Variants in P2RY2 observed in about 807,000 individuals in gnomAD.
The protein encoded by P2RY2 is purinergic receptor P2Y2.
For synonymous variants in P2RY2, 241 were observed against 231.9 expected, an observed-to-expected ratio of 1.04 and a Z score of -0.35; for missense variants, 567 against 515.7, an observed-to-expected ratio of 1.10 and a Z score of -0.96.
chr11:73,230,212 A>G (rs934051251), intron 2 of P2RY2, among the ~76,000 whole-genome samples: 10 of 152,002 alleles, frequency 6.6e-5, no homozygotes, highest in Non-Finnish European at 2.9e-5. Flanking sequence ...GCCTGTGCCC[A>G]TCCCCATACT....
chr11:73,229,593 A>C lies in P2RY2; in HGVS notation c.-5+1418A>C, dbSNP rs1591633539. On this transcript the variant is annotated intron_variant, in intron 2 of 2. Transcript: ENST00000393597. ...GTAGAATGAGAGGGCGGGAGGGGTG[A>C]GTCTGGCCCAGGGCCACGGCGATGG... is the stretch of plus-strand genomic sequence containing the variant. Among the ~76,000 whole-genome samples, 4 of 151,930 alleles carry C rather than the reference A, an allele frequency of 2.6e-5. No individual in the cohort carries two copies. The East Asian group carries it at 7.8e-4, about 29-fold the overall frequency.
rs1862673077 is a variant in P2RY2, at chr11:73,237,121, C to T, written c.*1828C>T. ...GCCCTCATGTGACAGAGACCCATCA[C>T]AGACCATGACCCAAATGATTACTCT... On this transcript the variant is annotated 3_prime_UTR_variant, in exon 3 of 3. Coordinates refer to ENST00000393597, the MANE Select transcript of P2RY2 (RefSeq NM_002564.4). 1 of 985,276 alleles carries T rather than the reference C, an allele frequency of 1.0e-6. No individual in the cohort carries two copies. Among genetic ancestry groups the T allele is most frequent in the South Asian group, 4.7e-5 (1 of 21,296 alleles). The allele number at this position is 985,276 out of a possible 1,614,324, so 61.0% of individuals were successfully genotyped here.
chr11:73,235,157 G>T lies in P2RY2; in HGVS notation c.998G>T (p.Arg333Leu), dbSNP rs201458131. 6.3e-7 allele frequency: 1 copy of T among 1,591,768 alleles called. No individual in the cohort carries two copies. Among genetic ancestry groups the T allele is most frequent in the Non-Finnish European group, 8.5e-7 (1 of 1,173,688 alleles). The change falls in exon 3 of 3, where the codon CGC becomes CTC. Residue 333 changes from arginine to leucine, a missense_variant. Transcript: ENST00000393597. ...PTGPSPATPARRRLGLRRSDR... is the reference protein window; with the variant it reads ...PTGPSPATPALRRLGLRRSDR... ...GGCCCCAGCCCTGCCACCCCGGCTC[G>T]CCGCAGGCTGGGCCTGCGCAGATCC...
chr11:73,236,966 C>T lies in P2RY2; in HGVS notation c.*1673C>T. 6.1e-6 allele frequency: 6 copies of T among 985,320 alleles called. No individual in the cohort carries two copies. Among genetic ancestry groups the T allele is most frequent in the Non-Finnish European group, 7.2e-6 (6 of 829,880 alleles). 61.0% of individuals were successfully genotyped at this position (985,320 alleles called of 1,614,324 possible). On this transcript the variant is annotated 3_prime_UTR_variant, in exon 3 of 3. Coordinates refer to ENST00000393597, the MANE Select transcript of P2RY2 (RefSeq NM_002564.4). Reference sequence around the variant, plus strand: ...CTCAAGGACAGGGACTCCCTCCTCTCCCTCTGGGAGAGCCCTCGCCCTGTG... The same window carrying T: ...CTCAAGGACAGGGACTCCCTCCTCTTCCTCTGGGAGAGCCCTCGCCCTGTG...
rs111248222 is a variant in P2RY2, at chr11:73,234,768, G to A, written c.609G>A (p.Leu203=). The part of the protein sequence containing the change: ...SRFVAYSSVM[L]GLLFAVPFAV... ...TCGTGGCCTACAGCTCAGTCATGCTGGGCCTGCTCTTCGCGGTGCCCTTTG... is the reference window on the plus strand; with the variant it reads ...TCGTGGCCTACAGCTCAGTCATGCTAGGCCTGCTCTTCGCGGTGCCCTTTG... Residue 203 remains leucine (L), a synonymous_variant, in exon 3 of 3, where the codon CTG becomes CTA. Coordinates refer to ENST00000393597, the MANE Select transcript of P2RY2 (RefSeq NM_002564.4). The A allele has an allele frequency of 1.3e-3, 2,062 of 1,611,594 alleles. 29 individuals carry two copies. In the African/African-American group the frequency reaches 0.023, roughly 18 times the overall value.
At position 73,234,258 on chromosome 11, in the gene P2RY2, C is replaced by A; in HGVS notation, c.99C>A (p.Tyr33Ter). 1 of 1,614,212 alleles carries A rather than the reference C, an allele frequency of 6.2e-7. No individual in the cohort carries two copies. Among genetic ancestry groups the A allele is most frequent in the Non-Finnish European group, 8.5e-7 (1 of 1,180,036 alleles). ...YRCRFNEDFKYVLLPVSYGVV... is the reference protein window; with the variant it reads ...YRCRFNEDFK ...GCCGCTTCAACGAGGACTTCAAGTA[C>A]GTGCTGCTGCCTGTGTCCTACGGCG... Residue 33 changes from tyrosine (Y) to a stop codon, truncating the protein, a stop_gained, in exon 3 of 3, where the codon TAC (tyrosine) becomes TAA (stop). Transcript: ENST00000393597. LOFTEE classifies it low-confidence loss of function (END_TRUNC).
chr11:73,234,210 T>C lies in P2RY2; in HGVS notation c.51T>C (p.Asp17=), dbSNP rs75314653. Residue 17 remains aspartate, a synonymous_variant, in exon 3 of 3, where the codon GAT becomes GAC. Transcript: ENST00000393597. ...PWNDTINGTW[D]GDELGYRCRF... Reference sequence around the variant, plus strand: ...ATGACACCATCAATGGCACCTGGGATGGGGATGAGCTGGGCTACAGGTGCC... The same window carrying C: ...ATGACACCATCAATGGCACCTGGGACGGGGATGAGCTGGGCTACAGGTGCC... The C allele has an allele frequency of 6.4e-4, 1,032 of 1,613,936 alleles. 7 individuals carry two copies. In the African/African-American group the frequency reaches 0.013, roughly 20 times the overall value.
intron 1 of P2RY2, among the ~76,000 whole-genome samples, chr11:73,219,747 A>G (rs1862066645): frequency 1.3e-5 from 2 of 152,100 alleles, no homozygotes; most frequent in African/African-American, 4.8e-5. Flanking sequence ...GGAGTCTCTC[A>G]TTTCTTGCCC....
rs867399456 is a variant in P2RY2, at chr11:73,237,096, G to T, written c.*1803G>T. ...TGTATTTGGAGCCTGACTCCACAGC[G>T]CCCTCATGTGACAGAGACCCATCAC... On this transcript the variant is annotated 3_prime_UTR_variant, in exon 3 of 3. Coordinates refer to ENST00000393597, the MANE Select transcript of P2RY2 (RefSeq NM_002564.4). 5 of 985,302 alleles carry T rather than the reference G, an allele frequency of 5.1e-6. No individual in the cohort carries two copies. Among genetic ancestry groups the T allele is most frequent in the Middle Eastern group, 1.0e-3 (2 of 1,912 alleles). The allele number at this position is 985,302 out of a possible 1,614,324, so 61.0% of individuals were successfully genotyped here. A position where few individuals can be genotyped will look rare whatever the true frequency, so the allele number is the denominator to read the frequency against.
intron 1 of P2RY2, among the ~76,000 whole-genome samples, chr11:73,226,101 T>C (rs1479553250): frequency 1.3e-5 from 2 of 152,040 alleles, no homozygotes; most frequent in Non-Finnish European, 2.9e-5. Flanking sequence ...CGGGCTGCAG[T>C]GTGGGGACCG....
chr11:73,225,013 T>G (rs1862236589), intron 1 of P2RY2, among the ~76,000 whole-genome samples: 1 of 152,212 alleles, frequency 6.6e-6, no homozygotes, highest in South Asian at 2.1e-4. Flanking sequence ...ACCTGCCTAG[T>G]GCCTCTCTTG....
chr11:73,230,412 G>T (rs1192344933), intron 2 of P2RY2, among the ~76,000 whole-genome samples: 2 of 151,950 alleles, frequency 1.3e-5, no homozygotes, highest in African/African-American at 4.8e-5. Flanking sequence ...TGTGGCCAAA[G>T]GTTTCTGGAA....
At chr11:73,220,311 T>C (rs1862081532) in intron 1 of P2RY2, among the ~76,000 whole-genome samples, 3 of 152,244 alleles carry the variant, frequency 2.0e-5, no homozygotes, top group Non-Finnish European at 4.4e-5. Context: ...TGGAAATTTA[T>C]GAGCAGAGGT....
Position 73,235,428 on chromosome 11 carries a change from C to T in P2RY2, c.*135C>T, listed in dbSNP as rs1401145326. The T allele has an allele frequency of 6.9e-7, 1 of 1,442,024 alleles. No individual in the cohort carries two copies. The highest frequency in any genetic ancestry group is 9.1e-7 in the Non-Finnish European group (1 of 1,097,328). 89.3% of individuals were successfully genotyped at this position (1,442,024 alleles called of 1,614,324 possible). On this transcript the variant is annotated 3_prime_UTR_variant, in exon 3 of 3. Transcript: ENST00000393597. ...GATGACCCCATGCTCCGTCATTTGA[C>T]AGGGGCTCAGGATATTCACTCTGTG...
intron 1 of P2RY2, among the ~76,000 whole-genome samples, chr11:73,227,182 A>G (rs1310851554): frequency 6.6e-6 from 1 of 152,016 alleles, no homozygotes; most frequent in Non-Finnish European, 1.5e-5. Context: ...TGCGGTGTTT[A>G]GTTTTCTTAT....
intron 1 of P2RY2, among the ~76,000 whole-genome samples, chr11:73,223,702 G>C (rs907814843): frequency 6.6e-6 from 1 of 152,186 alleles, no homozygotes; most frequent in African/African-American, 2.4e-5. Context: ...ATTTGGCTGT[G>C]ATAGGTTGGG....
At position 73,239,480 on chromosome 11, in the gene P2RY2, G is replaced by A. The variant is rs1862728738; in HGVS notation, c.*4187G>A. ...TTCAGAAACTTGCCACTTCAGGCTA[G>A]AGAGCTCGCACCCTCCCACGGCAGC... On this transcript the variant is annotated 3_prime_UTR_variant, in exon 3 of 3. Transcript: ENST00000393597. The A allele has an allele frequency of 6.6e-6, 1 of 152,292 alleles. No homozygotes were observed. Among genetic ancestry groups the A allele is most frequent in the African/African-American group, 2.4e-5 (1 of 41,456 alleles). The allele number at this position is 152,292 out of a possible 1,614,324, so 9.4% of individuals were successfully genotyped here. A position where few individuals can be genotyped will look rare whatever the true frequency, so the allele number is the denominator to read the frequency against.
chr11:73,235,442 A>G lies in P2RY2; in HGVS notation c.*149A>G. ...CCGTCATTTGACAGGGGCTCAGGAT[A>G]TTCACTCTGTGGTCCAGAGTCAACT... On this transcript the variant is annotated 3_prime_UTR_variant, in exon 3 of 3. Transcript: ENST00000393597. 1 of 1,420,998 alleles carries G rather than the reference A, an allele frequency of 7.0e-7. No homozygotes were observed. The allele number at this position is 1,420,998 out of a possible 1,614,324, so 88.0% of individuals were successfully genotyped here.
intron 2 of P2RY2, 68 bp from the exon 3 acceptor site, chr11:73,234,088 G>T: frequency 3.3e-6 from 5 of 1,516,514 alleles, no homozygotes; most frequent in Non-Finnish European, 4.4e-6. Context: ...TGGTCAGGTG[G>T]CTGTGTCAGG....
Sources: allele counts gnomAD v4.1 joint callset (sites outside exome capture counted in the v4.1 genomes callset), GRCh38; gene constraint gnomAD v4.1.1; transcripts MANE v1.5; gene names NCBI Gene and HGNC (gene_info 2026-07-23, HGNC 2026-07-21).